TRDN: variants seen among roughly 807,000 people sequenced by gnomAD.
The protein encoded by TRDN is triadin in skeletal muscle.
TRDN carries 161 observed loss-of-function variants against 149.7 expected under a neutral mutation model. The ratio of observed to expected loss-of-function variants is 1.08; its 90% CI spans 0.95 to 1.23. TRDN has a LOEUF of 1.23. TRDN is among the 50% of genes most tolerant of loss of function. The probability of loss-of-function intolerance (pLI) is 0.00; values close to 1 mark genes in which losing one functional copy is unlikely to be tolerated. For synonymous variants in TRDN, 294 were observed against 250.5 expected, an observed-to-expected ratio of 1.17 and a Z score of -1.64; for missense variants, 896 against 823.5, an observed-to-expected ratio of 1.09 and a Z score of -1.08.
intron 21 of TRDN, among the ~76,000 whole-genome samples, chr6:123,339,004 T>G (rs1779970457): frequency 1.3e-5 from 2 of 151,936 alleles, no homozygotes; most frequent in Non-Finnish European, 2.9e-5. Context: ...GTAGATGTAT[T>G]AGGGGTTTTT....
At chr6:123,255,165 A>G (rs1465968239) in intron 36 of TRDN, 40 bp from the exon 37 acceptor site, 1 of 973,046 alleles carries the variant, frequency 1.0e-6, no homozygotes, top group African/African-American at 1.7e-5. Flanking sequence ...ATAAATTTTT[A>G]AAGTAAATTT....
chr6:123,636,490 C>A (rs556296853), intron 1 of TRDN, among the ~76,000 whole-genome samples: 38 of 152,022 alleles, frequency 2.5e-4, no homozygotes, highest in Middle Eastern at 3.4e-3. Context: ...GTGTGAGTAA[C>A]AACTGTTAAC....
chr6:123,538,956 A>G (rs141225498), intron 4 of TRDN, among the ~76,000 whole-genome samples: 2,107 of 152,270 alleles, frequency 0.014, 22 homozygotes, highest in South Asian at 0.047. Flanking sequence ...TAGATTATCA[A>G]TGGTGAAGTT....
rs560001720 is a variant in TRDN at position 123,520,887 on chromosome 6, T to C, written c.485-4681A>G. Among the ~76,000 whole-genome samples, 17 of 152,242 alleles carry C rather than the reference T, an allele frequency of 1.1e-4. No individual in the cohort carries two copies. The South Asian group carries it at 3.5e-3, about 32-fold the overall frequency. ...CCAGAGAGGGAAAGAAAATATATTTTGTACTTTAAGGAGTTAATGAAGTGC... is the reference window on the plus strand; with the variant it reads ...CCAGAGAGGGAAAGAAAATATATTTCGTACTTTAAGGAGTTAATGAAGTGC... On this transcript the variant is annotated intron_variant, in intron 5 of 40. Transcript: ENST00000334268.
At chr6:123,392,075 G>T (rs1772502105) in intron 13 of TRDN, among the ~76,000 whole-genome samples, 1 of 151,982 alleles carries the variant, frequency 6.6e-6, no homozygotes, top group African/African-American at 2.4e-5. Context: ...CCTCACTCTT[G>T]CCTTGTTCAC....
At chr6:123,635,412 T>G (rs7758282) in intron 1 of TRDN, among the ~76,000 whole-genome samples, 72,784 of 151,456 alleles carry the variant, frequency 0.48, 21,789 homozygotes, top group African/African-American at 0.85. Flanking sequence ...GCAAGTCACA[T>G]AACATTTTAG....
rs144677357 is a variant in TRDN at position 123,589,973 on chromosome 6, A to G, written c.23-18841T>C. ...AAAAATATATTTAAATATAAATGAT[A>G]GTAGTCCTATATTTTCTACTTATAA... is the stretch of plus-strand genomic sequence containing the variant. On this transcript the variant is annotated intron_variant, in intron 1 of 40. Coordinates refer to ENST00000334268, the MANE Select transcript of TRDN (RefSeq NM_006073.4). 4.4e-3 allele frequency among the ~76,000 whole-genome samples: 667 copies of G among 152,352 alleles called. 1 individual carries two copies. Among genetic ancestry groups the G allele is most frequent in the Non-Finnish European group, 7.5e-3 (510 of 68,036 alleles).
intron 38 of TRDN, among the ~76,000 whole-genome samples, chr6:123,250,133 T>C (rs1776323785): frequency 1.3e-5 from 2 of 151,904 alleles, no homozygotes. Flanking sequence ...ATAAATCTAA[T>C]CAAGAAAAAG....
At chr6:123,412,133 A>G (rs1228479185) in intron 12 of TRDN, among the ~76,000 whole-genome samples, 1 of 152,222 alleles carries the variant, frequency 6.6e-6, no homozygotes, top group Non-Finnish European at 1.5e-5. Flanking sequence ...TCCCCAAAAT[A>G]TAGCTAACCA....
At chr6:123,294,870 C>T (rs1778139688) in intron 24 of TRDN, among the ~76,000 whole-genome samples, 1 of 152,076 alleles carries the variant, frequency 6.6e-6, no homozygotes, top group African/African-American at 2.4e-5. Context: ...TGCTTCTGGC[C>T]CCTTACAGCA....
intron 1 of TRDN, among the ~76,000 whole-genome samples, chr6:123,622,856 G>A (rs1359802089): frequency 1.3e-5 from 2 of 152,082 alleles, no homozygotes; most frequent in African/African-American, 4.8e-5. Context: ...GGTACTCTAA[G>A]CACATGTAGA....
At chr6:123,549,090 A>T (rs1221107978) in intron 2 of TRDN, among the ~76,000 whole-genome samples, 3 of 152,058 alleles carry the variant, frequency 2.0e-5, no homozygotes, top group African/African-American at 7.2e-5. Context: ...CTAATTTGTG[A>T]TACCACAGGA....
At chr6:123,400,287 G>T (rs1056553682) in intron 12 of TRDN, among the ~76,000 whole-genome samples, 2 of 150,900 alleles carry the variant, frequency 1.3e-5, no homozygotes, top group East Asian at 3.9e-4. Flanking sequence ...ATTAAATAAG[G>T]TCTAGTTGAC....
intron 38 of TRDN, among the ~76,000 whole-genome samples, chr6:123,246,902 C>T (rs1309842084): frequency 1.3e-5 from 2 of 152,132 alleles, no homozygotes; most frequent in Non-Finnish European, 2.9e-5. Flanking sequence ...AGTTTATCCA[C>T]CACGATCAAG....
intron 23 of TRDN, among the ~76,000 whole-genome samples, chr6:123,328,660 G>A (rs1779552993): frequency 6.6e-6 from 1 of 152,128 alleles, no homozygotes; most frequent in Non-Finnish European, 1.5e-5. Context: ...TCAGGTCCTA[G>A]ATGAGGGGCT....
Position 123,218,682 on chromosome 6 carries a change from C to A in TRDN, c.2109G>T (p.Gln703His), listed in dbSNP as rs752248825. The change falls in exon 41 of 41, where the codon CAG (glutamine) becomes CAT (histidine). Residue 703 changes from glutamine (Q) to histidine (H), a missense_variant. Physicochemically the swap from Gln to His is conservative, Grantham distance 24. Coordinates refer to ENST00000334268, the MANE Select transcript of TRDN (RefSeq NM_006073.4). ...YLDGYNGYGF[Q>H]FPFTPADRPG... Reference sequence around the variant, plus strand: ...GGCGGTCTGCAGGAGTGAAAGGAAACTGAAATCCATAGCCATTGTACCCAT... The same window carrying A: ...GGCGGTCTGCAGGAGTGAAAGGAAAATGAAATCCATAGCCATTGTACCCAT... 5 of 1,605,390 alleles carry A rather than the reference C, an allele frequency of 3.1e-6. No individual in the cohort carries two copies. The highest frequency in any genetic ancestry group is 1.7e-5 in the Admixed American group (1 of 58,868).
intron 12 of TRDN, among the ~76,000 whole-genome samples, chr6:123,397,709 A>G (rs1166572643): frequency 6.6e-6 from 1 of 152,206 alleles, no homozygotes; most frequent in Non-Finnish European, 1.5e-5. Context: ...GATTTTTAGT[A>G]GAATATATGG....
At chr6:123,323,250 G>GATATTTATATTTATATTT (rs563574195) in intron 23 of TRDN, among the ~76,000 whole-genome samples, 8 of 152,204 alleles carry the variant, frequency 5.3e-5, no homozygotes, top group African/African-American at 1.4e-4. Context: ...ATTATCTTCA[G>GATATTTATATTTATATTT]ATATTTATAT....
intron 24 of TRDN, among the ~76,000 whole-genome samples, chr6:123,283,906 T>G (rs1052469987): frequency 6.9e-6 from 1 of 144,872 alleles, no homozygotes; most frequent in African/African-American, 2.6e-5. Flanking sequence ...GGTCCTGGAA[T>G]TTTTTTTCAT....
Sources: allele counts gnomAD v4.1 joint callset (sites outside exome capture counted in the v4.1 genomes callset), GRCh38; gene constraint gnomAD v4.1.1; transcripts MANE v1.5; gene names NCBI Gene and HGNC (gene_info 2026-07-23, HGNC 2026-07-21).